Variants in EIPR1 observed in about 807,000 individuals in gnomAD.
The protein encoded by EIPR1 is EARP complex and GARP complex interacting protein 1, also known as EARP and GARP complex-interacting protein 1.
EIPR1 carries 25 observed loss-of-function variants against 48.1 expected under a neutral mutation model. The observed-to-expected ratio is 0.52, with a 90% CI of 0.38 to 0.73. The LOEUF (loss-of-function observed/expected upper bound fraction) is 0.73, where lower values mean the gene tolerates loss of function less well. EIPR1 is among the 30% of genes least tolerant of loss of function. EIPR1 has a pLI of 0.00. For missense variants in EIPR1, 415 were observed against 506.2 expected, an observed-to-expected ratio of 0.82 and a Z score of 1.73; for synonymous variants, 204 against 201.9, an observed-to-expected ratio of 1.01 and a Z score of -0.09.
intron 3 of EIPR1, among the ~76,000 whole-genome samples, chr2:3,268,312 C>T (rs1667554484): frequency 6.6e-6 from 1 of 152,216 alleles, no homozygotes; most frequent in South Asian, 2.1e-4. Context: ...ACCCTCTGCA[C>T]TCTCTGGGCA....
At chr2:3,288,906 G>T (rs1668287131) in intron 3 of EIPR1, among the ~76,000 whole-genome samples, 2 of 152,194 alleles carry the variant, frequency 1.3e-5, no homozygotes, top group Non-Finnish European at 2.9e-5. Context: ...ACGCCCACAG[G>T]CCCCAGCAGC....
intron 4 of EIPR1, among the ~76,000 whole-genome samples, chr2:3,248,073 C>G (rs1305237169): frequency 1.3e-5 from 2 of 152,076 alleles, no homozygotes; most frequent in East Asian, 3.9e-4. Context: ...GGGGGCGGAT[C>G]CCTCATGAAT....
intron 4 of EIPR1, among the ~76,000 whole-genome samples, chr2:3,256,000 A>C (rs1157225829): frequency 6.6e-6 from 1 of 152,164 alleles, no homozygotes; most frequent in East Asian, 1.9e-4. Flanking sequence ...CAGCAGTGGC[A>C]ATCACTCCTG....
rs771372238 is a variant in EIPR1 at position 3,199,533 on chromosome 2, G to A, written c.517-2516C>T. ...CCCTGACTTCCTGCAACACCTTGTG[G>A]TGGTGAGAAGAGGTCAAGAGAAGGT... On this transcript the variant is annotated intron_variant, in intron 5 of 8. Transcript: ENST00000382125. Among the ~76,000 whole-genome samples the A allele has an allele frequency of 3.3e-5, 5 of 152,356 alleles. No homozygotes were observed. In the South Asian group the frequency reaches 6.2e-4, roughly 19 times the overall value.
intron 4 of EIPR1, among the ~76,000 whole-genome samples, chr2:3,221,987 G>A (rs1277417075): frequency 2.0e-5 from 3 of 151,708 alleles, no homozygotes; most frequent in African/African-American, 7.3e-5. Flanking sequence ...AAATCCCCTC[G>A]CGGTTTTTTT....
rs193195410 is a variant in EIPR1 at position 3,286,344 on chromosome 2, G to A, written c.260-28889C>T. ...ACTGCTCCTGTGTAAACGTGTGGCCGTGACATGGCCTCCGTTCAGCTCCAG... is the reference window on the plus strand; with the variant it reads ...ACTGCTCCTGTGTAAACGTGTGGCCATGACATGGCCTCCGTTCAGCTCCAG... On this transcript the variant is annotated intron_variant, in intron 3 of 8. Coordinates refer to ENST00000382125, the MANE Select transcript of EIPR1 (RefSeq NM_003310.5). This position sits in a 1 kb window ranked among gnomAD's most constrained non-coding sequence, Gnocchi z 4.2. 1.5e-3 allele frequency among the ~76,000 whole-genome samples: 229 copies of A among 152,352 alleles called. No individual in the cohort carries two copies. Among genetic ancestry groups the A allele is most frequent in the Non-Finnish European group, 2.5e-3 (172 of 68,028 alleles).
intron 5 of EIPR1, among the ~76,000 whole-genome samples, chr2:3,203,480 C>T (rs1665118484): frequency 6.6e-6 from 1 of 152,232 alleles, no homozygotes; most frequent in Non-Finnish European, 1.5e-5. Context: ...ACAGACCAGG[C>T]CAGGAGGCCG....
chr2:3,357,794 G>A (rs572332577), intron 1 of EIPR1, among the ~76,000 whole-genome samples: 1 of 148,858 alleles, frequency 6.7e-6, no homozygotes, highest in South Asian at 2.2e-4. Flanking sequence ...ATTTAATTCA[G>A]CTGAAGTTTT....
chr2:3,285,455 C>T (rs897668924), intron 3 of EIPR1, among the ~76,000 whole-genome samples: 1 of 152,140 alleles, frequency 6.6e-6, no homozygotes, highest in African/African-American at 2.4e-5. Flanking sequence ...GCCAATTAAA[C>T]ACTGAGCGTT....
At chr2:3,216,505 C>T (rs1009708366) in intron 4 of EIPR1, among the ~76,000 whole-genome samples, 6 of 25,086 alleles carry the variant, frequency 2.4e-4, no homozygotes, top group African/African-American at 4.2e-4. Flanking sequence ...AACTAACTCA[C>T]ACATCACAGG....
At chr2:3,196,276 G>A (rs1288568356) in intron 6 of EIPR1, among the ~76,000 whole-genome samples, 3 of 152,204 alleles carry the variant, frequency 2.0e-5, no homozygotes, top group African/African-American at 4.8e-5. Flanking sequence ...ATGGTGTGCT[G>A]AGGGGATAAA....
intron 4 of EIPR1, among the ~76,000 whole-genome samples, chr2:3,216,611 A>G (rs1216199723): frequency 1.3e-5 from 2 of 152,224 alleles, no homozygotes; most frequent in Non-Finnish European, 2.9e-5. Context: ...ACCAATTTTA[A>G]TAATGCACAA....
chr2:3,222,868 T>C (rs1189002662), intron 4 of EIPR1, among the ~76,000 whole-genome samples: 1 of 152,250 alleles, frequency 6.6e-6, no homozygotes, highest in Non-Finnish European at 1.5e-5. Flanking sequence ...TTCGTGGCTT[T>C]CTGGAAACAC....
intron 5 of EIPR1, among the ~76,000 whole-genome samples, chr2:3,207,525 G>A (rs2103124414): frequency 6.6e-6 from 1 of 152,336 alleles, no homozygotes; most frequent in East Asian, 1.9e-4. Context: ...AAAAGGCAGA[G>A]GCTCTGTGTT....
chr2:3,341,595 G>T (rs907660365), intron 2 of EIPR1, among the ~76,000 whole-genome samples: 1 of 151,686 alleles, frequency 6.6e-6, no homozygotes. Flanking sequence ...GTATGTAAGG[G>T]TGTGTGTGAG....
intron 3 of EIPR1, among the ~76,000 whole-genome samples, chr2:3,281,579 A>G (rs182724461): frequency 6.6e-6 from 1 of 152,272 alleles, no homozygotes; most frequent in Non-Finnish European, 1.5e-5. Flanking sequence ...ATTATCACAC[A>G]GTGCTCATGA....
intron 1 of EIPR1, 153 bp downstream of exon 1, chr2:3,377,495 G>A: frequency 1.0e-6 from 1 of 988,662 alleles, no homozygotes; most frequent in South Asian, 1.7e-5. Flanking sequence ...ACCTCCTAAA[G>A]CCTCAGTTTA....
chr2:3,341,211 C>T (rs1045786224), intron 2 of EIPR1, among the ~76,000 whole-genome samples: 5 of 151,358 alleles, frequency 3.3e-5, no homozygotes, highest in Admixed American at 1.3e-4. Flanking sequence ...CAACAACACA[C>T]GCACAGACAA....
chr2:3,249,522 T>C (rs1035263863), intron 4 of EIPR1, among the ~76,000 whole-genome samples: 5 of 152,316 alleles, frequency 3.3e-5, no homozygotes, highest in Middle Eastern at 3.4e-3. Flanking sequence ...AGCATAATGT[T>C]TGGAAAAGTC....
Sources: gnomAD v4.1 joint callset for allele counts (sites outside exome capture counted in the v4.1 genomes callset) on GRCh38, gnomAD v4.1.1 for gene constraint, Gnocchi (gnomAD v3.1) non-coding constraint, MANE v1.5 for transcripts, NCBI Gene and HGNC (gene_info 2026-07-23, HGNC 2026-07-21) for gene names.